KIAA1328: variants seen among roughly 807,000 people sequenced by gnomAD.
The protein encoded by KIAA1328 is protein hinderin.
In KIAA1328, 52 loss-of-function variants were observed where a neutral mutation model predicts 68.1. The ratio of observed to expected loss-of-function variants is 0.76; its 90% confidence interval spans 0.61 to 0.96. The LOEUF (loss-of-function observed/expected upper bound fraction) is 0.96, where lower values mean the gene tolerates loss of function less well. Among genes scored for constraint, KIAA1328 ranks in the 40% least tolerant of loss-of-function variants. The pLI is 0.00. For missense variants in KIAA1328, 641 were observed against 677.6 expected, an observed-to-expected ratio of 0.95 and a Z score of 0.60; for synonymous variants, 232 against 239.4, an observed-to-expected ratio of 0.97 and a Z score of 0.28.
In KIAA1328 at chr18:37,222,521, T is replaced by G; in HGVS notation, c.*294T>G. The G allele has an allele frequency of 8.5e-7, 1 of 1,179,830 alleles. No individual in the cohort carries two copies. The allele number at this position is 1,179,830 out of a possible 1,614,324, so 73.1% of individuals were successfully genotyped here. On this transcript the variant is annotated 3_prime_UTR_variant, in exon 10 of 10. Coordinates refer to ENST00000280020, the MANE Select transcript of KIAA1328 (RefSeq NM_020776.3). ...TCTGCGTGGTGGAAACCATTGCATA[T>G]TCAGCCTCATTTCAAGAGTGTTTCC...
intron 7 of KIAA1328, among the ~76,000 whole-genome samples, chr18:37,094,540 A>G (rs898010715): frequency 3.3e-5 from 5 of 152,174 alleles, no homozygotes; most frequent in African/African-American, 1.2e-4. Context: ...TCATGAAAAC[A>G]TACACAGGTA....
chr18:37,214,081 T>G (rs2060374826), intron 9 of KIAA1328, among the ~76,000 whole-genome samples: 1 of 152,230 alleles, frequency 6.6e-6, no homozygotes, highest in African/African-American at 2.4e-5. Flanking sequence ...TGCAAAAATT[T>G]TCTCCCATTC....
At chr18:36,913,277 G>T (rs1160113046) in intron 5 of KIAA1328, among the ~76,000 whole-genome samples, 1 of 151,492 alleles carries the variant, frequency 6.6e-6, no homozygotes, top group Non-Finnish European at 1.5e-5. Flanking sequence ...CCAGTGCTTT[G>T]AGAAGCCAAG....
chr18:36,849,280 A>G (rs372770118), intron 4 of KIAA1328, among the ~76,000 whole-genome samples: 1 of 151,948 alleles, frequency 6.6e-6, no homozygotes, highest in East Asian at 1.9e-4. Flanking sequence ...TGTGTTTTTA[A>G]TGTGGTAAAA....
chr18:37,057,047 A>G (rs569091603), intron 6 of KIAA1328, among the ~76,000 whole-genome samples: 7 of 152,230 alleles, frequency 4.6e-5, no homozygotes, highest in African/African-American at 1.7e-4. Flanking sequence ...TTTGTAGCCT[A>G]TGTATATCCC....
chr18:37,200,180 C>T (rs1325536622), intron 9 of KIAA1328, among the ~76,000 whole-genome samples: 1 of 152,200 alleles, frequency 6.6e-6, no homozygotes, highest in Non-Finnish European at 1.5e-5. Context: ...AGGACAGCTG[C>T]CCAGGACACA....
At chr18:37,129,182 A>C (rs1389200534) in intron 7 of KIAA1328, among the ~76,000 whole-genome samples, 2 of 152,232 alleles carry the variant, frequency 1.3e-5, no homozygotes, top group African/African-American at 4.8e-5. Context: ...ATATTAAAAA[A>C]AACCCTAAAG....
intron 7 of KIAA1328, among the ~76,000 whole-genome samples, chr18:37,090,162 T>TA (rs1308938267): frequency 2.6e-5 from 4 of 152,198 alleles, no homozygotes; most frequent in Admixed American, 2.0e-4. Context: ...CTGTTAATTA[T>TA]AAAAAAAGTT....
intron 9 of KIAA1328, among the ~76,000 whole-genome samples, chr18:37,191,530 GGCTT>G (rs1391956656): frequency 2.0e-5 from 3 of 152,162 alleles, no homozygotes; most frequent in African/African-American, 7.2e-5. Context: ...AATCCATCAT[GGCTT>G]GCATTCATAG....
At chr18:36,890,394 C>T (rs1026797635) in intron 5 of KIAA1328, among the ~76,000 whole-genome samples, 6 of 151,806 alleles carry the variant, frequency 4.0e-5, no homozygotes, top group African/African-American at 7.3e-5. Context: ...AATATGTCTG[C>T]GCGTCATGGC....
chr18:37,022,738 T>C (rs1286776433), intron 6 of KIAA1328, among the ~76,000 whole-genome samples: 1 of 152,212 alleles, frequency 6.6e-6, no homozygotes, highest in African/African-American at 2.4e-5. Flanking sequence ...TTCTTATATT[T>C]AATCTGAAAA....
intron 6 of KIAA1328, among the ~76,000 whole-genome samples, chr18:37,035,110 T>C (rs1354260417): frequency 6.6e-6 from 1 of 152,158 alleles, no homozygotes; most frequent in East Asian, 1.9e-4. Context: ...AGACCAGTCA[T>C]AGGGGAGGAG....
rs2058930652 is a variant in KIAA1328 at position 37,147,612 on chromosome 18, C to T, written c.1233-12588C>T. On this transcript the variant is annotated intron_variant, in intron 7 of 9. Coordinates refer to ENST00000280020, the MANE Select transcript of KIAA1328 (RefSeq NM_020776.3). ...AGCCCCTCTAAATTGGTAGGACTCACTCTCCAAACTCCTTCTTTGTACATT... is the reference window on the plus strand; with the variant it reads ...AGCCCCTCTAAATTGGTAGGACTCATTCTCCAAACTCCTTCTTTGTACATT... 3.9e-5 allele frequency among the ~76,000 whole-genome samples: 6 copies of T among 152,044 alleles called. No homozygotes were observed. In the South Asian group the frequency reaches 1.2e-3, roughly 32 times the overall value.
chr18:37,224,420 G>A lies in KIAA1328; in HGVS notation c.*2193G>A. 2 of 985,396 alleles carry A rather than the reference G, an allele frequency of 2.0e-6. No homozygotes were observed. The highest frequency in any genetic ancestry group is 2.4e-6 in the Non-Finnish European group (2 of 829,928). The allele number at this position is 985,396 out of a possible 1,614,324, so 61.0% of individuals were successfully genotyped here. Reference sequence around the variant, plus strand: ...GAAAAGCAGAGATGGGCTTTCAGCAGAATATCAACCAATACATTTTTCACA... The same window carrying A: ...GAAAAGCAGAGATGGGCTTTCAGCAAAATATCAACCAATACATTTTTCACA... On this transcript the variant is annotated 3_prime_UTR_variant, in exon 10 of 10. Transcript: ENST00000280020.
At chr18:37,008,386 T>G (rs957953572) in intron 6 of KIAA1328, among the ~76,000 whole-genome samples, 1 of 152,208 alleles carries the variant, frequency 6.6e-6, no homozygotes, top group African/African-American at 2.4e-5. Context: ...TAAACCAAAC[T>G]TACTTGATTT....
At chr18:37,205,670 A>G (rs2060203610) in intron 9 of KIAA1328, among the ~76,000 whole-genome samples, 1 of 152,214 alleles carries the variant, frequency 6.6e-6, no homozygotes, top group Admixed American at 6.5e-5. Context: ...TTCCCTCTTG[A>G]ACTAAAGATA....
intron 4 of KIAA1328, among the ~76,000 whole-genome samples, chr18:36,852,072 A>G (rs774041621): frequency 6.6e-6 from 1 of 152,030 alleles, no homozygotes; most frequent in Non-Finnish European, 1.5e-5. Flanking sequence ...TAATTTCCAC[A>G]TATTTGTGCA....
At chr18:37,029,359 G>T (rs939114386) in intron 6 of KIAA1328, among the ~76,000 whole-genome samples, 3 of 151,882 alleles carry the variant, frequency 2.0e-5, no homozygotes, top group African/African-American at 7.3e-5. Flanking sequence ...GGCAATGTCT[G>T]CCTCGTCATT....
Position 36,959,436 on chromosome 18 carries a change from G to T in KIAA1328, c.576+1G>T. On this transcript the variant is annotated splice_donor_variant, in intron 6 of 9. Transcript: ENST00000280020. LOFTEE classifies it high-confidence loss of function. ...TGCTGCTAGAATGCAGGAACAGCAG[G>T]TAAGCATCTTTAATTTTACTTTTCT... is the stretch of plus-strand genomic sequence containing the variant. 1 of 1,606,194 alleles carries T rather than the reference G, an allele frequency of 6.2e-7. No individual in the cohort carries two copies. The highest frequency in any genetic ancestry group is 8.5e-7 in the Non-Finnish European group (1 of 1,177,476).
Sources: gnomAD v4.1 joint callset for allele counts (sites outside exome capture counted in the v4.1 genomes callset) on GRCh38, gnomAD v4.1.1 for gene constraint, MANE v1.5 for transcripts, NCBI Gene and HGNC (gene_info 2026-07-23, HGNC 2026-07-21) for gene names.